Variants in NHS observed in about 807,000 individuals in gnomAD.
NHS encodes the protein actin remodeling regulator NHS.
In NHS, 5 loss-of-function variants were observed where a neutral mutation model predicts 72.5. That is an observed-to-expected ratio of 0.07 (90% CI 0.04 to 0.14). The LOEUF (loss-of-function observed/expected upper bound fraction) is 0.14. Ranked by LOEUF, NHS falls within the 10% of genes least tolerant of loss-of-function variation. The pLI is 1.00. For synonymous variants in NHS, 464 were observed against 547.7 expected, an observed-to-expected ratio of 0.85 and a Z score of 2.13; for missense variants, 1,072 against 1,355.7, an observed-to-expected ratio of 0.79 and a Z score of 3.29.
intron 1 of NHS, among the ~76,000 whole-genome samples, chrX:17,510,199 A>G (rs189903563): frequency 8.9e-6 from 1 of 112,419 alleles, no homozygotes; most frequent in Non-Finnish European, 1.9e-5. Flanking sequence ...CATATGAACC[A>G]TCTCCTGTTT....
intron 1 of NHS, among the ~76,000 whole-genome samples, chrX:17,488,092 C>G (rs768944514): frequency 1.8e-5 from 2 of 111,617 alleles, no homozygotes; most frequent in African/African-American, 6.5e-5. Context: ...CGCCTCGCTT[C>G]TGGCAGAATC....
At chrX:17,662,187 GCA>G (rs1412255066) in intron 1 of NHS, among the ~76,000 whole-genome samples, 1 of 112,220 alleles carries the variant, frequency 8.9e-6, no homozygotes, top group Admixed American at 9.4e-5. Flanking sequence ...GCCACTGTGG[GCA>G]CACACAGAAG....
intron 1 of NHS, among the ~76,000 whole-genome samples, chrX:17,619,626 T>TCAG (rs2065763448): frequency 8.9e-6 from 1 of 112,145 alleles, no homozygotes; most frequent in Non-Finnish European, 1.9e-5. Flanking sequence ...CTGGTTTGAG[T>TCAG]CAGCTTTTTA....
chrX:17,583,689 T>C (rs1410886245), intron 1 of NHS, among the ~76,000 whole-genome samples: 1 of 111,885 alleles, frequency 8.9e-6, no homozygotes, highest in Non-Finnish European at 1.9e-5. Context: ...CCATCCCACC[T>C]TGCCTCACCC....
At chrX:17,676,233 G>A (rs748834864) in intron 1 of NHS, among the ~76,000 whole-genome samples, 1 of 111,776 alleles carries the variant, frequency 8.9e-6, no homozygotes, top group African/African-American at 3.3e-5. Flanking sequence ...TGCTTTTTCT[G>A]ACCTGCCTGT....
intron 5 of NHS, among the ~76,000 whole-genome samples, chrX:17,723,656 A>G (rs1194360194): frequency 3.6e-5 from 4 of 110,424 alleles, no homozygotes; most frequent in African/African-American, 1.3e-4. Flanking sequence ...AATAGAAGAA[A>G]GTAGACAGAG....
intron 1 of NHS, among the ~76,000 whole-genome samples, chrX:17,604,424 A>T (rs1218390241): frequency 5.3e-5 from 6 of 112,717 alleles, no homozygotes; most frequent in African/African-American, 1.6e-4. Context: ...TCATTGGAAG[A>T]TGCAGCTCTG....
At chrX:17,655,815 A>T (rs559279814) in intron 1 of NHS, among the ~76,000 whole-genome samples, 1 of 112,813 alleles carries the variant, frequency 8.9e-6, no homozygotes. Flanking sequence ...GAAGCAGTGG[A>T]GGGGCCGATG....
chrX:17,464,686 A>T (rs1256361335), intron 1 of NHS, among the ~76,000 whole-genome samples: 1 of 112,638 alleles, frequency 8.9e-6, no homozygotes, highest in Non-Finnish European at 1.9e-5. Flanking sequence ...AACTTGGGAG[A>T]TCCCAGCTTA....
At chrX:17,393,485 T>C (rs2146847251) in intron 1 of NHS, among the ~76,000 whole-genome samples, 1 of 112,655 alleles carries the variant, frequency 8.9e-6, no homozygotes, top group African/African-American at 3.2e-5. Context: ...AAGCCATGTT[T>C]CAAATCACTT....
intron 1 of NHS, among the ~76,000 whole-genome samples, chrX:17,679,875 C>T (rs1023541865): frequency 1.9e-5 from 2 of 106,882 alleles, no homozygotes; most frequent in African/African-American, 6.9e-5. Context: ...GGGGGGTGTG[C>T]GTTTCCACTG....
intron 1 of NHS, among the ~76,000 whole-genome samples, chrX:17,385,898 A>G (rs2064405185): frequency 1.8e-5 from 2 of 112,139 alleles, no homozygotes; most frequent in Admixed American, 1.9e-4. Context: ...AGAATCTTGG[A>G]ATCATAGAGT....
intron 1 of NHS, among the ~76,000 whole-genome samples, chrX:17,633,147 A>G (rs1273155299): frequency 9.0e-6 from 1 of 111,723 alleles, no homozygotes; most frequent in Admixed American, 9.5e-5. Flanking sequence ...GTCCTAAAGC[A>G]AAACAAGAAT....
intron 7 of NHS, 100 bp from the exon 8 acceptor site, chrX:17,728,547 TTC>T: frequency 9.5e-7 from 1 of 1,049,175 alleles, no homozygotes; most frequent in East Asian, 3.0e-5. Context: ...GCAAGGTAAT[TTC>T]TGTTTGTTTG....
At chrX:17,453,074 A>G (rs112588862) in intron 1 of NHS, among the ~76,000 whole-genome samples, 3,075 of 112,085 alleles carry the variant, frequency 0.027, 108 homozygotes, top group African/African-American at 0.095. Flanking sequence ...GCCATGTCCC[A>G]GAACATAATC....
intron 1 of NHS, among the ~76,000 whole-genome samples, chrX:17,483,346 AAGT>A (rs2146911553): frequency 8.9e-6 from 1 of 112,322 alleles, no homozygotes; most frequent in African/African-American, 3.2e-5. Context: ...TTATAATTTG[AAGT>A]AGTGGTGGTG....
At chrX:17,598,974 T>G (rs2065637281) in intron 1 of NHS, among the ~76,000 whole-genome samples, 1 of 111,910 alleles carries the variant, frequency 8.9e-6, no homozygotes, top group Non-Finnish European at 1.9e-5. Context: ...GTTTGAACTG[T>G]TTTTTGAACT....
Position 17,691,865 on chromosome X carries a change from G to C in NHS, c.719-470G>C, listed in dbSNP as rs1400445643. Among the ~76,000 whole-genome samples the C allele has an allele frequency of 4.3e-4, 48 of 112,218 alleles. No homozygotes were observed. In the Admixed American group the frequency reaches 4.5e-3, roughly 11 times the overall value. Reference sequence around the variant, plus strand: ...GAGTTATTTCCAGGTACCAACAGTTGAAAAATGGACTCACACAAATTCCTG... The same window carrying C: ...GAGTTATTTCCAGGTACCAACAGTTCAAAAATGGACTCACACAAATTCCTG... On this transcript the variant is annotated intron_variant, in intron 2 of 8. Transcript: ENST00000676302.
At chrX:17,562,769 C>T (rs1482001707) in intron 1 of NHS, among the ~76,000 whole-genome samples, 1 of 112,032 alleles carries the variant, frequency 8.9e-6, no homozygotes, top group African/African-American at 3.2e-5. Flanking sequence ...TTATACTATA[C>T]ATTTGAAATC....
Sources: gnomAD v4.1 joint callset for allele counts (sites outside exome capture counted in the v4.1 genomes callset) on GRCh38, gnomAD v4.1.1 for gene constraint, MANE v1.5 for transcripts, NCBI Gene and HGNC (gene_info 2026-07-23, HGNC 2026-07-21) for gene names.